Variants in RAB11FIP1 observed in about 807,000 individuals in gnomAD.
The protein encoded by RAB11FIP1 is rab11 family-interacting protein 1.
In RAB11FIP1, 49 loss-of-function variants were observed where a neutral mutation model predicts 83.1. The ratio of observed to expected loss-of-function variants is 0.59; its 90% confidence interval spans 0.47 to 0.75. The LOEUF is 0.75. RAB11FIP1 is among the 30% of genes least tolerant of loss of function. The pLI is 0.00. For synonymous variants in RAB11FIP1, 670 were observed against 656.0 expected (o/e 1.02, Z -0.33); for missense variants, 1,536 against 1,598.7 (o/e 0.96, Z 0.67).
Position 37,874,690 on chromosome 8 carries a change from G to T in RAB11FIP1, c.1447C>A (p.Leu483Ile), listed in dbSNP as rs1293997963. ...GEDASGPAED[L>I]VRRSEKDTAA... Reference sequence around the variant, plus strand: ...GTATCTTTCTCAGATCTTCTCACAAGGTCTTCAGCAGGCCCCGATGCGTCC... The same window carrying T: ...GTATCTTTCTCAGATCTTCTCACAATGTCTTCAGCAGGCCCCGATGCGTCC... Residue 483 changes from leucine to isoleucine, a missense_variant, in exon 3 of 6, where the codon CTT (leucine) becomes ATT (isoleucine). Physicochemically the swap from Leu to Ile is conservative, Grantham distance 5 (BLOSUM62 2). Transcript: ENST00000330843. The T allele has an allele frequency of 6.2e-7, 1 of 1,614,068 alleles. No individual in the cohort carries two copies. Among genetic ancestry groups the T allele is most frequent in the Non-Finnish European group, 8.5e-7 (1 of 1,180,052 alleles).
intron 1 of RAB11FIP1, among the ~76,000 whole-genome samples, chr8:37,882,082 C>T (rs1806742632): frequency 6.6e-6 from 1 of 152,128 alleles, no homozygotes; most frequent in Non-Finnish European, 1.5e-5. Context: ...GCGGGCAGCA[C>T]GCTTCACCTC....
intron 1 of RAB11FIP1, among the ~76,000 whole-genome samples, chr8:37,888,843 GC>G (rs1806889154): frequency 2.8e-5 from 4 of 144,968 alleles, no homozygotes; most frequent in Non-Finnish European, 1.5e-5. Context: ...TTTTGCCCAG[GC>G]CGGACTGCAG....
In RAB11FIP1 at chr8:37,872,311, G is replaced by A; in HGVS notation, c.2491C>T (p.His831Tyr). 1 of 1,614,068 alleles carries A rather than the reference G, an allele frequency of 6.2e-7. No homozygotes were observed. ...VAGAALLVEG[H>Y]SSCPQELNPA... The stretch of plus-strand genomic sequence containing the variant: ...TTCAGCTCCTGGGGACAACTGCTGT[G>A]TCCTTCCACCAGCAAGGCAGCCCCC... The change falls in exon 4 of 6, where the codon CAC becomes TAC. Residue 831 changes from histidine to tyrosine, a missense_variant. Transcript: ENST00000330843.
intron 1 of RAB11FIP1, among the ~76,000 whole-genome samples, chr8:37,895,312 C>T (rs369035299): frequency 1.1e-5 from 1 of 92,670 alleles, no homozygotes; most frequent in Admixed American, 1.5e-4. Flanking sequence ...TTGGGTCTCA[C>T]GTTACCCGGG....
intron 1 of RAB11FIP1, among the ~76,000 whole-genome samples, chr8:37,887,287 T>C (rs1253633869): frequency 1.3e-5 from 2 of 152,058 alleles, no homozygotes; most frequent in African/African-American, 2.4e-5. Context: ...TCCCAGCACA[T>C]TGGGAGGCCG....
intron 1 of RAB11FIP1, among the ~76,000 whole-genome samples, chr8:37,884,884 T>C (rs1806797471): frequency 6.6e-6 from 1 of 152,082 alleles, no homozygotes; most frequent in Non-Finnish European, 1.5e-5. Flanking sequence ...GGTCTTGCTA[T>C]GCTGCCCAGG....
chr8:37,876,983 CCAT>C, intron 2 of RAB11FIP1, 123 bp downstream of exon 2: 1 of 756,092 alleles, frequency 1.3e-6, no homozygotes, highest in East Asian at 2.7e-5. Context: ...ATCCCCACCA[CCAT>C]GATTTTGTAA....
At chr8:37,898,809 G>C (rs535129162) in intron 1 of RAB11FIP1, among the ~76,000 whole-genome samples, 155 of 142,714 alleles carry the variant, frequency 1.1e-3, no homozygotes, top group African/African-American at 3.5e-3. Flanking sequence ...CCGGGCGACA[G>C]AGACTCTGTC....
At chr8:37,874,478 G>A in intron 3 of RAB11FIP1, 37 bp downstream of exon 3, 2 of 1,560,494 alleles carry the variant, frequency 1.3e-6, no homozygotes, top group Non-Finnish European at 1.8e-6. Context: ...CCAATGGCAA[G>A]GCAGAAATGC....
chr8:37,886,800 A>T (rs1585444221), intron 1 of RAB11FIP1, among the ~76,000 whole-genome samples: 1 of 152,244 alleles, frequency 6.6e-6, no homozygotes, highest in East Asian at 1.9e-4. Flanking sequence ...GGAAATAAAA[A>T]ATCAGGCTGC....
chr8:37,875,414 G>A, intron 2 of RAB11FIP1, 92 bp from the exon 3 acceptor site: 1 of 954,380 alleles, frequency 1.0e-6, no homozygotes, highest in Non-Finnish European at 1.6e-6. Flanking sequence ...TACATTTCTG[G>A]TTGCCACAAC....
intron 1 of RAB11FIP1, among the ~76,000 whole-genome samples, chr8:37,893,463 T>C (rs963552232): frequency 6.6e-6 from 1 of 152,084 alleles, no homozygotes; most frequent in South Asian, 2.1e-4. Context: ...ACCTGGCACA[T>C]AGTAGGCATT....
At chr8:37,895,401 AT>A (rs1454598338) in intron 1 of RAB11FIP1, among the ~76,000 whole-genome samples, 2 of 144,200 alleles carry the variant, frequency 1.4e-5, no homozygotes, top group Non-Finnish European at 3.0e-5. Flanking sequence ...AGGAACCACC[AT>A]GTCTAGCCTC....
At chr8:37,877,038 T>C (rs908429937) in intron 2 of RAB11FIP1, 71 bp downstream of exon 2, 1 of 1,123,250 alleles carries the variant, frequency 8.9e-7, no homozygotes, top group African/African-American at 1.6e-5. Flanking sequence ...GATTTGTCTG[T>C]TTCTTCTCTC....
chr8:37,872,894 C>T lies in RAB11FIP1; in HGVS notation c.1908G>A (p.Leu636=), dbSNP rs1806509989. 1 of 1,614,218 alleles carries T rather than the reference C, an allele frequency of 6.2e-7. No homozygotes were observed. ...GAACCGGTGTTAAACTCTCAGTTTG[C>T]AACTCTGCCTTAGGGAGCAAGGGTG... is the stretch of plus-strand genomic sequence containing the variant. The part of the protein sequence containing the change: ...EGPPLLPKAE[L]QTESLTPVPN... The change falls in exon 4 of 6, where the codon TTG becomes TTA. Residue 636 remains leucine, a synonymous_variant. Coordinates refer to ENST00000330843, the MANE Select transcript of RAB11FIP1 (RefSeq NM_001002814.3).
intron 1 of RAB11FIP1, among the ~76,000 whole-genome samples, chr8:37,892,015 C>G (rs1172343722): frequency 6.6e-6 from 1 of 152,192 alleles, no homozygotes; most frequent in Non-Finnish European, 1.5e-5. Context: ...GGTGTCACAG[C>G]CCAAAGCTGT....
Position 37,873,187 on chromosome 8 carries a change from A to G in RAB11FIP1, c.1623-8T>C. On this transcript the variant is annotated splice_polypyrimidine_tract_variant and splice_region_variant and intron_variant, in intron 3 of 5. Transcript: ENST00000330843. ...TCTGGAGACACTTCCAGTCTGCAAA[A>G]AGGACAAAATAAAATCTGCAGGTCA... 1.3e-6 allele frequency: 2 copies of G among 1,567,478 alleles called. No homozygotes were observed. Among genetic ancestry groups the G allele is most frequent in the Non-Finnish European group, 1.7e-6 (2 of 1,164,336 alleles).
intron 1 of RAB11FIP1, among the ~76,000 whole-genome samples, chr8:37,889,152 T>G (rs920104137): frequency 2.0e-5 from 3 of 152,072 alleles, no homozygotes; most frequent in Non-Finnish European, 4.4e-5. Context: ...CCTTCAGGGT[T>G]TCTACACAGA....
At position 37,861,621 on chromosome 8, in the gene RAB11FIP1, A is replaced by C. The variant is rs1339566649; in HGVS notation, c.*1274T>G. 1 of 438,460 alleles carries C rather than the reference A, an allele frequency of 2.3e-6. No individual in the cohort carries two copies. Among genetic ancestry groups the C allele is most frequent in the South Asian group, 1.6e-5 (1 of 61,510 alleles). 27.2% of individuals were successfully genotyped at this position (438,460 alleles called of 1,614,324 possible). ...GCTCTTTTTTTAAGAGTCTTAAAAA[A>C]ACTCTTGCCCAGGCTGGAGTGCAGT... On this transcript the variant is annotated 3_prime_UTR_variant, in exon 6 of 6. Coordinates refer to ENST00000330843, the MANE Select transcript of RAB11FIP1 (RefSeq NM_001002814.3).
Sources: gnomAD v4.1 joint callset for allele counts (sites outside exome capture counted in the v4.1 genomes callset) on GRCh38, gnomAD v4.1.1 for gene constraint, MANE v1.5 for transcripts, NCBI Gene and HGNC (gene_info 2026-07-23, HGNC 2026-07-21) for gene names.